The following MCOLN1 variants were observed in gnomAD, a reference collection of about 807,000 sequenced individuals.
MCOLN1 encodes the protein mucolipin-1.
In MCOLN1, 50 loss-of-function variants were observed where a neutral mutation model predicts 70.3. The observed-to-expected ratio is 0.71, with a 90% CI of 0.57 to 0.90. MCOLN1 has a LOEUF of 0.90. Among genes scored for constraint, MCOLN1 ranks in the 40% least tolerant of loss-of-function variants. The probability of loss-of-function intolerance (pLI) is 0.00; values close to 1 mark genes in which losing one functional copy is unlikely to be tolerated. For synonymous variants in MCOLN1, 366 were observed against 341.0 expected, an observed-to-expected ratio of 1.07 and a Z score of -0.81; for missense variants, 598 against 803.5, an observed-to-expected ratio of 0.74 and a Z score of 3.09.
In MCOLN1 at chr19:7,528,725, T is replaced by G; in HGVS notation, c.984+22T>G. 6.2e-7 allele frequency: 1 copy of G among 1,614,220 alleles called. No homozygotes were observed. The highest frequency in any genetic ancestry group is 8.5e-7 in the Non-Finnish European group (1 of 1,180,026). On this transcript the variant is annotated intron_variant, in intron 8 of 13. Coordinates refer to ENST00000264079, the MANE Select transcript of MCOLN1 (RefSeq NM_020533.3). The surrounding 1 kb of genome is among the most constrained non-coding windows in gnomAD (Gnocchi z 4.2). ...GAACGTGAGGCTTCTGCGTCATGTG[T>G]GCTGGTGTCCTCCCCGCCTGGCCCT... is the stretch of plus-strand genomic sequence containing the variant.
In MCOLN1 at chr19:7,533,810, C is replaced by A; in HGVS notation, c.*15C>A. On this transcript the variant is annotated 3_prime_UTR_variant, in exon 14 of 14. Transcript: ENST00000264079. Reference sequence around the variant, plus strand: ...TGGTGAATTGATTCGACCTGACTGCCGTTGGACCGTAGGCCCTGGACTGCA... The same window carrying A: ...TGGTGAATTGATTCGACCTGACTGCAGTTGGACCGTAGGCCCTGGACTGCA... 1 of 1,614,114 alleles carries A rather than the reference C, an allele frequency of 6.2e-7. No homozygotes were observed. Among genetic ancestry groups the A allele is most frequent in the Non-Finnish European group, 8.5e-7 (1 of 1,179,984 alleles).
intron 12 of MCOLN1, 34 bp from the exon 13 acceptor site, chr19:7,533,489 C>T (rs1245241848): frequency 6.2e-7 from 1 of 1,609,588 alleles, no homozygotes; most frequent in African/African-American, 1.3e-5. Context: ...TTGGGAGCCA[C>T]TTTCAGGCTG....
Position 7,528,097 on chromosome 19 carries a change from CAT to C in MCOLN1, c.778-60_778-59del. The C allele has an allele frequency of 6.3e-7, 1 of 1,582,392 alleles. No homozygotes were observed. Among genetic ancestry groups the C allele is most frequent in the Non-Finnish European group, 8.7e-7 (1 of 1,151,292 alleles). On this transcript the variant is annotated intron_variant, in intron 6 of 13. Coordinates refer to ENST00000264079, the MANE Select transcript of MCOLN1 (RefSeq NM_020533.3). The surrounding 1 kb of genome is among the most constrained non-coding windows in gnomAD (Gnocchi z 4.2). Reference sequence around the variant, plus strand: ...GCCCGGGGTCTGTCAGGCCACCTGTCATGTGGACCTTGGGGCTTGGGGCTGCC... The same window carrying C: ...GCCCGGGGTCTGTCAGGCCACCTGTCGTGGACCTTGGGGCTTGGGGCTGCC...
chr19:7,526,771 T>C lies in MCOLN1; in HGVS notation c.416T>C (p.Leu139Ser). 6.2e-7 allele frequency: 1 copy of C among 1,614,012 alleles called. No homozygotes were observed. The highest frequency in any genetic ancestry group is 8.5e-7 in the Non-Finnish European group (1 of 1,180,024). Residue 139 changes from leucine (L) to serine (S), a missense_variant, in exon 4 of 14, where the codon TTG becomes TCG. Coordinates refer to ENST00000264079, the MANE Select transcript of MCOLN1 (RefSeq NM_020533.3). This position sits in a 1 kb window ranked among gnomAD's most constrained non-coding sequence, Gnocchi z 4.6. ...CTTCTCTGCCCACAGTACCTGGCGT[T>C]GCCTGACGTGTCACTGGGCCGGTAT... ...IFHAVDQYLALPDVSLGRYAY... is the reference protein window; with the variant it reads ...IFHAVDQYLASPDVSLGRYAY...
intron 1 of MCOLN1, among the ~76,000 whole-genome samples, chr19:7,523,082 C>A (rs1005381348): frequency 5.3e-5 from 8 of 152,118 alleles, no homozygotes; most frequent in African/African-American, 1.9e-4. Context: ...GCCTAGGTTC[C>A]GATTGCTCAA....
rs1463272779 is a variant in MCOLN1 at position 7,533,563 on chromosome 19, C to G, written c.1616C>G (p.Ala539Gly). Residue 539 changes from alanine (A) to glycine (G), a missense_variant, in exon 13 of 14, where the codon GCC (alanine) becomes GGC (glycine). This residue lies in a region of MCOLN1 where 59 missense variants were observed against 58.8 expected (regional missense o/e 1.00). Transcript: ENST00000264079. ...GAGAEESELQAYIAQCQDSPT... is the reference protein window; with the variant it reads ...GAGAEESELQGYIAQCQDSPT... ...GGCGCAGAGGAGAGCGAGCTGCAGG[C>G]CTACATCGCACAGTGCCAGGACAGC... is the stretch of plus-strand genomic sequence containing the variant. 1 of 1,612,326 alleles carries G rather than the reference C, an allele frequency of 6.2e-7. No individual in the cohort carries two copies. The highest frequency in any genetic ancestry group is 1.9e-4 in the Middle Eastern group (1 of 5,348).
Position 7,526,429 on chromosome 19 carries a change from C to G in MCOLN1, c.238-10C>G, listed in dbSNP as rs2146022369. 1.2e-6 allele frequency: 2 copies of G among 1,614,270 alleles called. No individual in the cohort carries two copies. The highest frequency in any genetic ancestry group is 1.7e-6 in the Non-Finnish European group (2 of 1,180,046). On this transcript the variant is annotated splice_polypyrimidine_tract_variant and intron_variant, in intron 2 of 13. Coordinates refer to ENST00000264079, the MANE Select transcript of MCOLN1 (RefSeq NM_020533.3). The surrounding 1 kb of genome is among the most constrained non-coding windows in gnomAD (Gnocchi z 4.6). ...CCTAGCCATGCCAACCTCTACTACC[C>G]TCTCCCCAGCTCATCCTGTTTGGGC...
At chr19:7,523,921 A>G (rs1237400702) in intron 1 of MCOLN1, among the ~76,000 whole-genome samples, 2 of 151,050 alleles carry the variant, frequency 1.3e-5, no homozygotes, top group Non-Finnish European at 2.9e-5. Flanking sequence ...ATCCTAGCTC[A>G]TTGTAACATC....
rs765016879 is a variant in MCOLN1, at chr19:7,528,007, G to T, written c.777+47G>T. On this transcript the variant is annotated intron_variant, in intron 6 of 13. Transcript: ENST00000264079. This position sits in a 1 kb window ranked among gnomAD's most constrained non-coding sequence, Gnocchi z 4.2. ...CAGGGCTCCTGAGTTCCAGGGCAGGGACCTGGTCAGGGAGTGTCTTGGGAG... is the reference window on the plus strand; with the variant it reads ...CAGGGCTCCTGAGTTCCAGGGCAGGTACCTGGTCAGGGAGTGTCTTGGGAG... The T allele has an allele frequency of 3.2e-6, 5 of 1,573,908 alleles. No individual in the cohort carries two copies. Among genetic ancestry groups the T allele is most frequent in the Non-Finnish European group, 4.4e-6 (5 of 1,143,604 alleles).
intron 12 of MCOLN1, among the ~76,000 whole-genome samples, chr19:7,532,989 TGA>T (rs1421889910): frequency 6.6e-6 from 1 of 151,970 alleles, no homozygotes; most frequent in Non-Finnish European, 1.5e-5. Context: ...TGAGGCCGAG[TGA>T]GAGGAAGGAA....
rs576020249 is a variant in MCOLN1, at chr19:7,533,621, C to G, written c.1674C>G (p.Gly558=). The G allele has an allele frequency of 6.2e-7, 1 of 1,612,478 alleles. No individual in the cohort carries two copies. Among genetic ancestry groups the G allele is most frequent in the South Asian group, 1.1e-5 (1 of 91,032 alleles). ...PTSGKFRRGS[G]SACSLLCCCG... Reference sequence around the variant, plus strand: ...CCGGCAAGTTCCGCCGCGGGAGCGGCTCGGCCTGCAGCCTTCTCTGCTGCT... The same window carrying G: ...CCGGCAAGTTCCGCCGCGGGAGCGGGTCGGCCTGCAGCCTTCTCTGCTGCT... Residue 558 remains glycine, a synonymous_variant, in exon 13 of 14, where the codon GGC becomes GGG. Transcript: ENST00000264079.
Position 7,526,822 on chromosome 19 carries a change from C to T in MCOLN1, c.467C>T (p.Pro156Leu), listed in dbSNP as rs539045232. 3.8e-5 allele frequency: 61 copies of T among 1,614,142 alleles called. No individual in the cohort carries two copies. In the South Asian group the frequency reaches 6.6e-4, roughly 17 times the overall value. ...RYAYVRGGGDPWTNGSGLALC... is the reference protein window; with the variant it reads ...RYAYVRGGGDLWTNGSGLALC... ...GCGTATGTCCGTGGTGGGGGTGACC[C>T]TTGGACCAATGGCTCAGGGCTTGCT... is the stretch of plus-strand genomic sequence containing the variant. Residue 156 changes from proline (P) to leucine (L), a missense_variant, in exon 4 of 14, where the codon CCT becomes CTT. Transcript: ENST00000264079. The surrounding 1 kb of genome is among the most constrained non-coding windows in gnomAD (Gnocchi z 4.6).
In MCOLN1 at chr19:7,528,181, C is replaced by T; in HGVS notation, c.801C>T (p.His267=). The T allele has an allele frequency of 6.2e-7, 1 of 1,614,134 alleles. No homozygotes were observed. The highest frequency in any genetic ancestry group is 8.5e-7 in the Non-Finnish European group (1 of 1,179,986). ...SVLITFDNKA[H]SGRIPISLET... ...AGATCACGTTTGACAACAAAGCACA[C>T]AGTGGGCGGATCCCCATCAGCCTGG... Residue 267 remains histidine (H), a synonymous_variant, in exon 7 of 14, where the codon CAC becomes CAT. Transcript: ENST00000264079. The surrounding 1 kb of genome is among the most constrained non-coding windows in gnomAD (Gnocchi z 4.2).
chr19:7,524,484 T>C lies in MCOLN1; in HGVS notation c.32-477T>C, dbSNP rs1453971796. 6.6e-6 allele frequency among the ~76,000 whole-genome samples: 1 copy of C among 152,178 alleles called. No individual in the cohort carries two copies. The highest frequency in any genetic ancestry group is 1.5e-5 in the Non-Finnish European group (1 of 68,028). On this transcript the variant is annotated intron_variant, in intron 1 of 13. Coordinates refer to ENST00000264079, the MANE Select transcript of MCOLN1 (RefSeq NM_020533.3). The surrounding 1 kb of genome is among the most constrained non-coding windows in gnomAD (Gnocchi z 4.1). Reference sequence around the variant, plus strand: ...GAGTTCTATGCTCATGTCTGGAAGCTGGAGTTGGGATAAGCCCAGCAGGCT... The same window carrying C: ...GAGTTCTATGCTCATGTCTGGAAGCCGGAGTTGGGATAAGCCCAGCAGGCT...
chr19:7,526,690 C>A lies in MCOLN1; in HGVS notation c.406-71C>A. On this transcript the variant is annotated intron_variant, in intron 3 of 13. Coordinates refer to ENST00000264079, the MANE Select transcript of MCOLN1 (RefSeq NM_020533.3). This position sits in a 1 kb window ranked among gnomAD's most constrained non-coding sequence, Gnocchi z 4.6. Reference sequence around the variant, plus strand: ...AGTTGGGCGGGCAGGTGCTGGTGGGCGGGCAGGTGCAGGTGGGTGGGCTGC... The same window carrying A: ...AGTTGGGCGGGCAGGTGCTGGTGGGAGGGCAGGTGCAGGTGGGTGGGCTGC... 6.6e-7 allele frequency: 1 copy of A among 1,525,958 alleles called. No homozygotes were observed. Among genetic ancestry groups the A allele is most frequent in the Non-Finnish European group, 8.9e-7 (1 of 1,125,334 alleles). 94.5% of individuals were successfully genotyped at this position (1,525,958 alleles called of 1,614,324 possible).
At position 7,527,636 on chromosome 19, in the gene MCOLN1, C is replaced by G; in HGVS notation, c.680+8C>G. 1 of 1,586,856 alleles carries G rather than the reference C, an allele frequency of 6.3e-7. No homozygotes were observed. The highest frequency in any genetic ancestry group is 8.7e-7 in the Non-Finnish European group (1 of 1,155,070). ...CACGCTCAAATTCCACAAGTACTGC[C>G]TGCTCACTCGAGGGGGGCCCAGGGT... is the stretch of plus-strand genomic sequence containing the variant. On this transcript the variant is annotated splice_region_variant and intron_variant, in intron 5 of 13. Coordinates refer to ENST00000264079, the MANE Select transcript of MCOLN1 (RefSeq NM_020533.3).
Position 7,525,050 on chromosome 19 carries a change from C to T in MCOLN1, c.121C>T (p.Leu41Phe), listed in dbSNP as rs2022548729. 2 of 1,614,112 alleles carry T rather than the reference C, an allele frequency of 1.2e-6. No homozygotes were observed. Among genetic ancestry groups the T allele is most frequent in the Non-Finnish European group, 1.7e-6 (2 of 1,180,038 alleles). The change falls in exon 2 of 14, where the codon CTT becomes TTT. Residue 41 changes from leucine to phenylalanine, a missense_variant. Leu to Phe is a conservative substitution (Grantham distance 22, BLOSUM62 0). Around this residue, in one of 3 missense-constraint regions of MCOLN1, gnomAD observed 461 missense variants for 588.4 expected, o/e 0.78. Transcript: ENST00000264079. The surrounding 1 kb of genome is among the most constrained non-coding windows in gnomAD (Gnocchi z 4.2). ...TCCGACACCCCCAGAAGAGGAAGAC[C>T]TTCGCCGTCGTCTCAAATACTTTTT... ...APPTPPEEED[L>F]RRRLKYFFMS...
rs1216716267 is a variant in MCOLN1, at chr19:7,524,064, T to A, written c.32-897T>A. On this transcript the variant is annotated intron_variant, in intron 1 of 13. Coordinates refer to ENST00000264079, the MANE Select transcript of MCOLN1 (RefSeq NM_020533.3). The surrounding 1 kb of genome is among the most constrained non-coding windows in gnomAD (Gnocchi z 4.1). ...TTTTTTTTTTGTAGACAGGGAGGTC[T>A]CGCTGTATTACCTAGGCTGGATCCT... Among the ~76,000 whole-genome samples, 1 of 152,078 alleles carries A rather than the reference T, an allele frequency of 6.6e-6. No individual in the cohort carries two copies. The highest frequency in any genetic ancestry group is 2.4e-5 in the African/African-American group (1 of 41,402).
In MCOLN1 at chr19:7,527,848, C is replaced by T. The variant is rs748401092; in HGVS notation, c.681-16C>T. ...CCCGAAGACGCCCCTGACCCTCACC[C>T]GAGCCTCCTGCCTAGGCTGGTCAAT... is the stretch of plus-strand genomic sequence containing the variant. On this transcript the variant is annotated splice_polypyrimidine_tract_variant and intron_variant, in intron 5 of 13. Transcript: ENST00000264079. 1.9e-5 allele frequency: 31 copies of T among 1,606,204 alleles called. No homozygotes were observed. The highest frequency in any genetic ancestry group is 1.8e-4 in the East Asian group (8 of 44,836).
Sources: allele counts gnomAD v4.1 joint callset (sites outside exome capture counted in the v4.1 genomes callset), GRCh38; gene constraint gnomAD v4.1.1; regional missense constraint gnomAD v4.1.1; non-coding constraint Gnocchi (gnomAD v3.1); transcripts MANE v1.5; gene names NCBI Gene and HGNC (gene_info 2026-07-23, HGNC 2026-07-21).